PPP1R13B: variants seen among roughly 807,000 people sequenced by gnomAD.
The protein encoded by PPP1R13B is apoptosis-stimulating of p53 protein 1.
Under a neutral mutation model 119.8 loss-of-function variants are expected in PPP1R13B, and 44 were observed. The ratio of observed to expected loss-of-function variants is 0.37; its 90% CI spans 0.29 to 0.47. The LOEUF is 0.47. Among genes scored for constraint, PPP1R13B ranks in the 20% least tolerant of loss-of-function variants. The pLI, the probability that PPP1R13B is intolerant of heterozygous loss-of-function variation, is 0.99. For synonymous variants in PPP1R13B, 542 were observed against 561.5 expected, an observed-to-expected ratio of 0.97 and a Z score of 0.49; for missense variants, 1,227 against 1,413.5, an observed-to-expected ratio of 0.87 and a Z score of 2.12.
intron 1 of PPP1R13B, among the ~76,000 whole-genome samples, chr14:103,828,639 C>G (rs1334847019): frequency 6.6e-6 from 1 of 152,090 alleles, no homozygotes; most frequent in Non-Finnish European, 1.5e-5. Context: ...CCTGCTCCAA[C>G]AGGAAAGACT....
rs778853636 is a variant in PPP1R13B at position 103,735,031 on chromosome 14, T to C, written c.*123A>G. ...ACTGTAGGATTCACATTGTGGACGC[T>C]GTCTGCTAAAGTGAGCACCATTAAG... On this transcript the variant is annotated 3_prime_UTR_variant, in exon 17 of 17. Transcript: ENST00000202556. 39 of 1,065,752 alleles carry C rather than the reference T, an allele frequency of 3.7e-5. No individual in the cohort carries two copies. In the Admixed American group the frequency reaches 7.2e-4, roughly 20 times the overall value. The allele number at this position is 1,065,752 out of a possible 1,614,324, so 66.0% of individuals were successfully genotyped here. A position where few individuals can be genotyped will look rare whatever the true frequency, so the allele number is the denominator to read the frequency against.
intron 1 of PPP1R13B, among the ~76,000 whole-genome samples, chr14:103,822,489 C>T (rs1447445220): frequency 6.6e-6 from 1 of 152,104 alleles, no homozygotes; most frequent in Admixed American, 6.6e-5. Context: ...ACCAAAACCC[C>T]ACAGAATACA....
At chr14:103,808,300 G>A (rs1024449594) in intron 1 of PPP1R13B, among the ~76,000 whole-genome samples, 5 of 151,854 alleles carry the variant, frequency 3.3e-5, no homozygotes, top group African/African-American at 7.3e-5. Context: ...TGTGGTATTC[G>A]GCAGATTTCA....
intron 2 of PPP1R13B, among the ~76,000 whole-genome samples, chr14:103,794,208 C>T (rs2085698760): frequency 6.6e-6 from 1 of 152,104 alleles, no homozygotes; most frequent in African/African-American, 2.4e-5. Context: ...CAAAATAATG[C>T]ACAGATCCAC....
At chr14:103,819,499 T>TA (rs151084316) in intron 1 of PPP1R13B, among the ~76,000 whole-genome samples, 10,746 of 121,354 alleles carry the variant, frequency 0.089, 537 homozygotes, top group African/African-American at 0.14. Flanking sequence ...ATCTGTCTAT[T>TA]AAAAAAAACA....
chr14:103,848,647 C>G (rs2087131825), upstream of PPP1R13B, among the ~76,000 whole-genome samples: 1 of 152,204 alleles, frequency 6.6e-6, no homozygotes, highest in Non-Finnish European at 1.5e-5. Context: ...TGGAGAAGGC[C>G]GCCGCGAGGT....
intron 1 of PPP1R13B, among the ~76,000 whole-genome samples, chr14:103,811,018 G>A (rs527263441): frequency 2.5e-4 from 37 of 146,210 alleles, no homozygotes; most frequent in Non-Finnish European, 4.2e-4. Context: ...GCTTAAACCC[G>A]GGAGGCAGAG....
intron 5 of PPP1R13B, among the ~76,000 whole-genome samples, chr14:103,755,965 T>C (rs1223271229): frequency 6.6e-6 from 1 of 152,184 alleles, no homozygotes. Context: ...TATACAGTCA[T>C]TCAATAAATT....
intron 8 of PPP1R13B, among the ~76,000 whole-genome samples, chr14:103,748,652 G>A (rs1249474906): frequency 3.9e-5 from 6 of 152,212 alleles, no homozygotes; most frequent in Admixed American, 1.3e-4. Flanking sequence ...CCACAGGTGC[G>A]AGAAAGTCAA....
intron 3 of PPP1R13B, among the ~76,000 whole-genome samples, chr14:103,779,389 T>G (rs949500585): frequency 6.6e-6 from 1 of 152,152 alleles, no homozygotes; most frequent in Non-Finnish European, 1.5e-5. Flanking sequence ...ATCTTGAAAT[T>G]GACTTGTTAT....
At chr14:103,791,570 CA>C in intron 2 of PPP1R13B, among the ~76,000 whole-genome samples, 1 of 152,188 alleles carries the variant, frequency 6.6e-6, no homozygotes, top group Admixed American at 6.6e-5. Flanking sequence ...ACTAAAAATA[CA>C]AAACTTAGCC....
Position 103,738,848 on chromosome 14 carries a change from C to CCCCCAGCAGCGTGCACTGGT in PPP1R13B, c.2730+18_2730+37dup, listed in dbSNP as rs2084176726. 12 of 1,613,476 alleles carry CCCCCAGCAGCGTGCACTGGT rather than the reference C, an allele frequency of 7.4e-6. No individual in the cohort carries two copies. The East Asian group carries it at 2.7e-4, about 36-fold the overall frequency. ...CGGCCTGTGAGCGCCCATCCCCTCGCCCCCAGCAGCGTGCACTGGTCCCCG... is the reference window on the plus strand; with the variant it reads ...CGGCCTGTGAGCGCCCATCCCCTCGCCCCCAGCAGCGTGCACTGGTCCCCAGCAGCGTGCACTGGTCCCCG... On this transcript the variant is annotated intron_variant, in intron 13 of 16. Coordinates refer to ENST00000202556, the MANE Select transcript of PPP1R13B (RefSeq NM_015316.3). This position sits in a 1 kb window ranked among gnomAD's most constrained non-coding sequence, Gnocchi z 5.6.
intron 4 of PPP1R13B, among the ~76,000 whole-genome samples, 160 bp from the exon 5 acceptor site, chr14:103,757,911 C>T (rs1263044774): frequency 6.6e-6 from 1 of 152,320 alleles, no homozygotes; most frequent in African/African-American, 2.4e-5. Context: ...TAATTGTTGA[C>T]TGCTTTTATG....
intron 1 of PPP1R13B, among the ~76,000 whole-genome samples, chr14:103,831,947 A>C (rs750904102): frequency 1.6e-4 from 24 of 152,018 alleles, no homozygotes; most frequent in South Asian, 4.2e-4. Context: ...AAAAAAAACA[A>C]CACCAAAAAT....
intron 4 of PPP1R13B, among the ~76,000 whole-genome samples, chr14:103,776,361 T>A (rs886547405): frequency 1.3e-5 from 2 of 152,060 alleles, no homozygotes; most frequent in Non-Finnish European, 2.9e-5. Context: ...ATATAGCCAA[T>A]AAAAGAACTA....
chr14:103,805,027 G>A (rs897762111), intron 1 of PPP1R13B, among the ~76,000 whole-genome samples: 2 of 152,016 alleles, frequency 1.3e-5, no homozygotes, highest in African/African-American at 4.8e-5. Context: ...AGTAGAGATG[G>A]GGTTTCACCA....
intron 12 of PPP1R13B, 90 bp downstream of exon 12, chr14:103,739,734 C>A: frequency 1.4e-6 from 2 of 1,421,810 alleles, no homozygotes; most frequent in South Asian, 1.4e-5. Flanking sequence ...CCACTGCTCC[C>A]AGCACAGCCT....
intron 5 of PPP1R13B, among the ~76,000 whole-genome samples, chr14:103,756,751 C>T (rs1431705271): frequency 2.0e-5 from 3 of 151,544 alleles, no homozygotes; most frequent in Admixed American, 6.6e-5. Context: ...CCTTTCTTCC[C>T]GATTTCTTTG....
intron 1 of PPP1R13B, 48 bp downstream of exon 1, chr14:103,847,251 G>A: frequency 8.6e-7 from 1 of 1,163,786 alleles, no homozygotes; most frequent in South Asian, 2.3e-5. Flanking sequence ...GGTTTGGCCA[G>A]CGGCCCGCGG....
Sources: gnomAD v4.1 joint callset for allele counts (sites outside exome capture counted in the v4.1 genomes callset) on GRCh38, gnomAD v4.1.1 for gene constraint, Gnocchi (gnomAD v3.1) non-coding constraint, MANE v1.5 for transcripts, NCBI Gene and HGNC (gene_info 2026-07-23, HGNC 2026-07-21) for gene names.